The following LTA4H variants were observed in gnomAD, a reference collection of about 807,000 sequenced individuals.
LTA4H encodes the protein leukotriene A-4 hydrolase.
In LTA4H, 59 loss-of-function variants were observed where a neutral mutation model predicts 89.8. The ratio of observed to expected loss-of-function variants is 0.66; its 90% CI spans 0.53 to 0.82. LTA4H has a LOEUF of 0.82. LTA4H is among the 40% of genes least tolerant of loss of function. The probability of loss-of-function intolerance (pLI) is 0.00; values close to 1 mark genes in which losing one functional copy is unlikely to be tolerated. For missense variants in LTA4H, 617 were observed against 727.0 expected, an observed-to-expected ratio of 0.85 and a Z score of 1.74; for synonymous variants, 227 against 253.1, an observed-to-expected ratio of 0.90 and a Z score of 0.98.
At chr12:96,007,464 G>T (rs1381554408) in intron 15 of LTA4H, among the ~76,000 whole-genome samples, 1 of 152,110 alleles carries the variant, frequency 6.6e-6, no homozygotes, top group Non-Finnish European at 1.5e-5. Context: ...AGATGGGGAG[G>T]GATGCTACAG....
chr12:96,000,840 T>C lies in LTA4H; in HGVS notation c.*149A>G. On this transcript the variant is annotated 3_prime_UTR_variant, in exon 19 of 19. Coordinates refer to ENST00000228740, the MANE Select transcript of LTA4H (RefSeq NM_000895.3). ...AAGAATATGCCACTATAAGAAGAAGTAGCTCAACTTTATTTCAGTAAAATC... is the reference window on the plus strand; with the variant it reads ...AAGAATATGCCACTATAAGAAGAAGCAGCTCAACTTTATTTCAGTAAAATC... 1.8e-6 allele frequency: 1 copy of C among 565,600 alleles called. No individual in the cohort carries two copies. The highest frequency in any genetic ancestry group is 3.0e-5 in the Admixed American group (1 of 33,208). 35.0% of individuals were successfully genotyped at this position (565,600 alleles called of 1,614,324 possible). A position where few individuals can be genotyped will look rare whatever the true frequency, so the allele number is the denominator to read the frequency against.
At chr12:96,036,277 C>T (rs1229338923), upstream of LTA4H, among the ~76,000 whole-genome samples, 2 of 152,156 alleles carry the variant, frequency 1.3e-5, no homozygotes, top group Non-Finnish European at 2.9e-5. Context: ...AATGGGAGTA[C>T]AGAGCTGGGA....
chr12:96,010,236 A>G (rs1204757849), intron 14 of LTA4H: 4 of 152,224 alleles, frequency 2.6e-5, no homozygotes, highest in African/African-American at 9.6e-5. Flanking sequence ...TAAGTTAAGA[A>G]TTAGCCTGGG....
At chr12:96,036,078 T>C (rs1034616834), upstream of LTA4H, among the ~76,000 whole-genome samples, 4 of 152,066 alleles carry the variant, frequency 2.6e-5, no homozygotes, top group Non-Finnish European at 5.9e-5. Flanking sequence ...CGGGGTTCGA[T>C]TCCCCGACGG....
At chr12:96,015,219 A>C (rs938735802) in intron 11 of LTA4H, 6 of 504,124 alleles carry the variant, frequency 1.2e-5, no homozygotes, top group African/African-American at 2.0e-5. Flanking sequence ...TCAATAATAC[A>C]GGCTTTATTC....
chr12:96,007,221 C>T (rs1044898513), intron 15 of LTA4H, among the ~76,000 whole-genome samples: 3 of 152,082 alleles, frequency 2.0e-5, no homozygotes, highest in Non-Finnish European at 2.9e-5. Context: ...TGCATCTTCC[C>T]CCTCTTCAGA....
chr12:96,003,929 A>G lies in LTA4H; in HGVS notation c.1531-9T>C. 1 of 1,580,252 alleles carries G rather than the reference A, an allele frequency of 6.3e-7. No individual in the cohort carries two copies. The highest frequency in any genetic ancestry group is 8.7e-7 in the Non-Finnish European group (1 of 1,153,168). ...CCCAATGGAAGAGGTGCCTAAGAGC[A>G]AAATAAAGAAGTATACCGTATCATT... On this transcript the variant is annotated splice_polypyrimidine_tract_variant and intron_variant, in intron 16 of 18. Transcript: ENST00000228740.
At chr12:96,002,363 C>T (rs1288879605) in intron 18 of LTA4H, among the ~76,000 whole-genome samples, 1 of 152,108 alleles carries the variant, frequency 6.6e-6, no homozygotes, top group Non-Finnish European at 1.5e-5. Flanking sequence ...TACTTTTGCA[C>T]CCACCTAAAT....
intron 17 of LTA4H, 113 bp from the exon 18 acceptor site, chr12:96,003,177 T>C (rs1592862033): frequency 1.5e-6 from 1 of 664,272 alleles, no homozygotes; most frequent in Middle Eastern, 3.5e-4. Flanking sequence ...ACTATAGTTA[T>C]ACTGTACACC....
chr12:96,029,624 A>G (rs773331730), intron 1 of LTA4H, among the ~76,000 whole-genome samples: 1 of 152,210 alleles, frequency 6.6e-6, no homozygotes, highest in African/African-American at 2.4e-5. Flanking sequence ...AGCAAACTGT[A>G]TATCACTGTG....
intron 18 of LTA4H, among the ~76,000 whole-genome samples, chr12:96,001,880 G>A (rs1025394355): frequency 2.7e-5 from 4 of 150,138 alleles, no homozygotes; most frequent in East Asian, 3.9e-4. Context: ...ACAGAGTCTC[G>A]CACTGTCACC....
chr12:96,018,895 A>C lies in LTA4H; in HGVS notation c.720T>G (p.Ser240=). ...KSAYEFSETE[S]MLKIAEDLGG... ...CCAGATCTTCTGCTATTTTAAGCATAGATTCAGTCTGAAAAATCAACATAT... is the reference window on the plus strand; with the variant it reads ...CCAGATCTTCTGCTATTTTAAGCATCGATTCAGTCTGAAAAATCAACATAT... The change falls in exon 8 of 19, where the codon TCT becomes TCG. Residue 240 remains serine, a synonymous_variant. Coordinates refer to ENST00000228740, the MANE Select transcript of LTA4H (RefSeq NM_000895.3). 2 of 1,581,456 alleles carry C rather than the reference A, an allele frequency of 1.3e-6. No individual in the cohort carries two copies. The highest frequency in any genetic ancestry group is 1.7e-6 in the Non-Finnish European group (2 of 1,168,408).
In LTA4H at chr12:96,035,367, G is replaced by C. The variant is rs1386654566; in HGVS notation, c.153C>G (p.Arg51=). The C allele has an allele frequency of 6.2e-7, 1 of 1,608,352 alleles. No homozygotes were observed. Among genetic ancestry groups the C allele is most frequent in the Non-Finnish European group, 8.5e-7 (1 of 1,177,290 alleles). The change falls in exon 1 of 19, where the codon CGC becomes CGG. Residue 51 remains arginine, a synonymous_variant. Transcript: ENST00000228740. ...GGCAGGCGCCCCACTGTACCAGGCT[G>C]CGCAGATTGTCCTCCTGAGACTGGA... ...LTVQSQEDNL[R]SLVLDTKDLT...
Position 96,029,108 on chromosome 12 carries a change from T to C in LTA4H, c.237A>G (p.Arg79=), listed in dbSNP as rs376744191. 1.9e-4 allele frequency: 300 copies of C among 1,596,898 alleles called. No individual in the cohort carries two copies. Among genetic ancestry groups the C allele is most frequent in the Middle Eastern group, 3.3e-4 (2 of 6,000 alleles). ...CCATTGGCGATCCCTTGTAACTTTG[T>C]CTTTCTCCAAGAGCATATTTGACTT... ...GQEVKYALGE[R]QSYKGSPMEI... The change falls in exon 2 of 19, where the codon AGA becomes AGG. Residue 79 remains arginine (R), a synonymous_variant. Transcript: ENST00000228740.
In LTA4H at chr12:96,018,767, A is replaced by G; in HGVS notation, c.848T>C (p.Leu283Pro). The G allele has an allele frequency of 6.4e-7, 1 of 1,566,526 alleles. No individual in the cohort carries two copies. The highest frequency in any genetic ancestry group is 8.6e-7 in the Non-Finnish European group (1 of 1,163,378). The stretch of plus-strand genomic sequence containing the variant: ...TGAAGAAACATTTACACTTACCAGT[A>G]GAGTAGGAGTTACAAAAGTAAGGCA... ...NPCLTFVTPT[L>P]LAGDKSLSNV... Residue 283 changes from leucine to proline, a missense_variant, in exon 8 of 19, where the codon CTA becomes CCA. Around this residue, in one of 3 missense-constraint regions of LTA4H, gnomAD observed 172 missense variants for 244.5 expected, o/e 0.70. Coordinates refer to ENST00000228740, the MANE Select transcript of LTA4H (RefSeq NM_000895.3).
intron 16 of LTA4H, among the ~76,000 whole-genome samples, chr12:96,005,709 A>G (rs542177239): frequency 6.6e-6 from 1 of 152,072 alleles, no homozygotes; most frequent in Non-Finnish European, 1.5e-5. Flanking sequence ...AGTTTTTCCA[A>G]ATGATACCTA....
chr12:96,029,165 A>G lies in LTA4H; in HGVS notation c.180T>C (p.Leu60=). 1 of 1,554,198 alleles carries G rather than the reference A, an allele frequency of 6.4e-7. No individual in the cohort carries two copies. The highest frequency in any genetic ancestry group is 8.8e-7 in the Non-Finnish European group (1 of 1,139,720). The change falls in exon 2 of 19, where the codon CTT becomes CTC. Residue 60 remains leucine (L), a synonymous_variant. Transcript: ENST00000228740. ...CATTGATCACTACTTTTTCTATTGT[A>G]AGGTCCTTTGTATCCAAAACCTAAA... is the stretch of plus-strand genomic sequence containing the variant. ...LRSLVLDTKD[L]TIEKVVINGQ...
rs954576721 is a variant in LTA4H, at chr12:96,022,348, A to T, written c.481-97T>A. 4.8e-5 allele frequency: 37 copies of T among 764,300 alleles called. No homozygotes were observed. The African/African-American group carries it at 6.0e-4, about 12-fold the overall frequency. 47.3% of individuals were successfully genotyped at this position (764,300 alleles called of 1,614,324 possible). On this transcript the variant is annotated intron_variant, in intron 4 of 18. Coordinates refer to ENST00000228740, the MANE Select transcript of LTA4H (RefSeq NM_000895.3). The surrounding 1 kb of genome is among the most constrained non-coding windows in gnomAD (Gnocchi z 4.0). ...TAACCTTTTCTTCCCATTCTTGACT[A>T]TCTAATAAACAGACTATGAACACAA...
In LTA4H at chr12:96,022,072, T is replaced by C; in HGVS notation, c.585+75A>G. 6.0e-6 allele frequency: 5 copies of C among 828,534 alleles called. No individual in the cohort carries two copies. The highest frequency in any genetic ancestry group is 9.9e-6 in the Non-Finnish European group (5 of 502,750). 51.3% of individuals were successfully genotyped at this position (828,534 alleles called of 1,614,324 possible). On this transcript the variant is annotated intron_variant, in intron 5 of 18. Transcript: ENST00000228740. This position sits in a 1 kb window ranked among gnomAD's most constrained non-coding sequence, Gnocchi z 4.0. ...ATTCTGAAATATTTCAAAAGTAATT[T>C]TGCCCTCTGGATGTGTACAAGCTAA...
Sources: gnomAD v4.1 joint callset for allele counts (sites outside exome capture counted in the v4.1 genomes callset) on GRCh38, gnomAD v4.1.1 for gene constraint, gnomAD v4.1.1 regional missense constraint, Gnocchi (gnomAD v3.1) non-coding constraint, MANE v1.5 for transcripts, NCBI Gene and HGNC (gene_info 2026-07-23, HGNC 2026-07-21) for gene names.